SEMA3C: variants seen among roughly 807,000 people sequenced by gnomAD.
The protein encoded by SEMA3C is semaphorin-3C.
In SEMA3C, 47 loss-of-function variants were observed where a neutral mutation model predicts 89.4. That is an observed-to-expected ratio of 0.53 (90% CI 0.42 to 0.67). The LOEUF (loss-of-function observed/expected upper bound fraction) is 0.67, where lower values mean the gene tolerates loss of function less well. Among genes scored for constraint, SEMA3C ranks in the 30% least tolerant of loss-of-function variants. The pLI is 0.00. For synonymous variants in SEMA3C, 310 were observed against 320.2 expected, an observed-to-expected ratio of 0.97 and a Z score of 0.34; for missense variants, 839 against 929.1, an observed-to-expected ratio of 0.90 and a Z score of 1.26.
intron 2 of SEMA3C, among the ~76,000 whole-genome samples, chr7:80,863,997 CAT>C (rs766781519): frequency 5.3e-5 from 8 of 149,660 alleles, no homozygotes; most frequent in Non-Finnish European, 1.2e-4. Context: ...ATGTATATCA[CAT>C]ATATATCGCA....
chr7:80,817,202 T>C lies in SEMA3C; in HGVS notation c.447+1097A>G, dbSNP rs562943186. On this transcript the variant is annotated intron_variant, in intron 5 of 17. Coordinates refer to ENST00000265361, the MANE Select transcript of SEMA3C (RefSeq NM_006379.5). ...GGGTCAAATTATAATTAGTTATTTTTAAATGACTTTTTATTCATTAAAAGA... is the reference window on the plus strand; with the variant it reads ...GGGTCAAATTATAATTAGTTATTTTCAAATGACTTTTTATTCATTAAAAGA... Among the ~76,000 whole-genome samples, 7 of 152,318 alleles carry C rather than the reference T, an allele frequency of 4.6e-5. No homozygotes were observed. In the East Asian group the frequency reaches 1.4e-3, roughly 29 times the overall value.
At chr7:80,799,877 C>T (rs955515177) in intron 10 of SEMA3C, among the ~76,000 whole-genome samples, 33 of 142,156 alleles carry the variant, frequency 2.3e-4, no homozygotes, top group Non-Finnish European at 3.0e-4. Context: ...AATGGCCGGG[C>T]GCAGTGGCTC....
intron 2 of SEMA3C, among the ~76,000 whole-genome samples, chr7:80,905,455 A>G (rs1309934646): frequency 6.6e-6 from 1 of 152,052 alleles, no homozygotes; most frequent in Admixed American, 6.5e-5. Context: ...TTTGTCAGTT[A>G]TCAGTCAGGC....
At chr7:80,828,870 A>G in intron 2 of SEMA3C, 125 bp from the exon 3 acceptor site, 1 of 744,122 alleles carries the variant, frequency 1.3e-6, no homozygotes, top group Non-Finnish European at 2.1e-6. Flanking sequence ...ACAGTAAGAA[A>G]TTAATTTTAA....
chr7:80,874,244 A>G (rs1232551406), intron 2 of SEMA3C, among the ~76,000 whole-genome samples: 1 of 152,128 alleles, frequency 6.6e-6, no homozygotes, highest in Non-Finnish European at 1.5e-5. Flanking sequence ...ATAAATCATA[A>G]CAATTAGCAG....
At chr7:80,825,450 G>A (rs1246877881) in intron 4 of SEMA3C, among the ~76,000 whole-genome samples, 1 of 152,090 alleles carries the variant, frequency 6.6e-6, no homozygotes, top group African/African-American at 2.4e-5. Context: ...ATTACAGCAT[G>A]ACAAAACTAT....
At chr7:80,825,054 TTAGA>T (rs774840566) in intron 4 of SEMA3C, among the ~76,000 whole-genome samples, 5 of 152,166 alleles carry the variant, frequency 3.3e-5, no homozygotes, top group African/African-American at 4.8e-5. Context: ...TATTAGGTTA[TTAGA>T]TAGTATTTAT....
At chr7:80,755,465 C>G (rs562537121) in intron 15 of SEMA3C, among the ~76,000 whole-genome samples, 272 of 150,890 alleles carry the variant, frequency 1.8e-3, no homozygotes, top group African/African-American at 6.5e-3. Context: ...TTGGTCAAAA[C>G]AAGTCTTTGC....
At chr7:80,883,892 G>T (rs1466413799) in intron 2 of SEMA3C, among the ~76,000 whole-genome samples, 2 of 152,180 alleles carry the variant, frequency 1.3e-5, no homozygotes, top group Non-Finnish European at 2.9e-5. Context: ...TTACTTAGCA[G>T]TCATTACTTC....
At chr7:80,873,799 T>A (rs1194090531) in intron 2 of SEMA3C, among the ~76,000 whole-genome samples, 5 of 152,316 alleles carry the variant, frequency 3.3e-5, no homozygotes, top group Non-Finnish European at 5.9e-5. Context: ...ATTTCCATTT[T>A]TAGAAGACTT....
At chr7:80,889,450 G>A (rs181209022) in intron 2 of SEMA3C, among the ~76,000 whole-genome samples, 212 of 152,162 alleles carry the variant, frequency 1.4e-3, no homozygotes, top group Non-Finnish European at 2.4e-3. Context: ...TATAGAAGAT[G>A]TCATTATCCT....
intron 2 of SEMA3C, among the ~76,000 whole-genome samples, chr7:80,878,393 C>CAAAA (rs2116085157): frequency 6.6e-6 from 1 of 151,974 alleles, no homozygotes; most frequent in East Asian, 1.9e-4. Flanking sequence ...AACAAACAAA[C>CAAAA]AAAAAAGAAT....
At chr7:80,849,295 T>A (rs993362567) in intron 2 of SEMA3C, among the ~76,000 whole-genome samples, 2 of 151,084 alleles carry the variant, frequency 1.3e-5, no homozygotes, top group African/African-American at 2.4e-5. Flanking sequence ...CAACACTAAG[T>A]TTTAGCAACA....
chr7:80,850,278 C>T (rs1790481084), intron 2 of SEMA3C, among the ~76,000 whole-genome samples: 1 of 152,030 alleles, frequency 6.6e-6, no homozygotes, highest in Admixed American at 6.6e-5. Flanking sequence ...ATACCAATGA[C>T]CCCACAATTC....
chr7:80,899,662 A>G (rs1277102510), intron 2 of SEMA3C, among the ~76,000 whole-genome samples: 1 of 152,194 alleles, frequency 6.6e-6, no homozygotes, highest in Admixed American at 6.5e-5. Context: ...TCAGGCAAGT[A>G]ACATAAATTA....
intron 2 of SEMA3C, among the ~76,000 whole-genome samples, chr7:80,882,704 G>A (rs192929263): frequency 8.0e-4 from 121 of 151,798 alleles, no homozygotes; most frequent in Admixed American, 5.6e-3. Flanking sequence ...TGCATAGCTG[G>A]GTTCAAGAGT....
intron 2 of SEMA3C, among the ~76,000 whole-genome samples, chr7:80,836,760 C>A (rs2115855751): frequency 6.6e-6 from 1 of 152,238 alleles, no homozygotes; most frequent in South Asian, 2.1e-4. Flanking sequence ...CCACGCATTG[C>A]ATCAGAGGGA....
chr7:80,835,994 C>A (rs994652323), intron 2 of SEMA3C, among the ~76,000 whole-genome samples: 2 of 152,216 alleles, frequency 1.3e-5, no homozygotes, highest in Non-Finnish European at 2.9e-5. Flanking sequence ...ATCAGACTGA[C>A]AACTTCGACA....
chr7:80,802,638 G>T, intron 9 of SEMA3C, 27 bp downstream of exon 9: 1 of 1,460,708 alleles, frequency 6.8e-7, no homozygotes, highest in Non-Finnish European at 9.6e-7. Flanking sequence ...TCTTTCAGAA[G>T]CATTTTTCAA....
Sources: gnomAD v4.1 joint callset for allele counts (sites outside exome capture counted in the v4.1 genomes callset) on GRCh38, gnomAD v4.1.1 for gene constraint, MANE v1.5 for transcripts, NCBI Gene and HGNC (gene_info 2026-07-23, HGNC 2026-07-21) for gene names.